The following VPS11 variants were observed in gnomAD, a reference collection of about 807,000 sequenced individuals.
The protein encoded by VPS11 is vacuolar protein sorting-associated protein 11 homolog.
Under a neutral mutation model 106.8 loss-of-function variants are expected in VPS11, and 51 were observed. The observed-to-expected ratio is 0.48, with a 90% confidence interval of 0.38 to 0.60. The LOEUF is 0.60. Among genes scored for constraint, VPS11 ranks in the 20% least tolerant of loss-of-function variants. The pLI is 0.00. For missense variants in VPS11, 950 were observed against 1,190.0 expected (o/e 0.80, Z 2.97); for synonymous variants, 453 against 458.7 (o/e 0.99, Z 0.16).
intron 1 of VPS11, among the ~76,000 whole-genome samples, chr11:119,068,393 G>A (rs1354626125): frequency 1.3e-5 from 2 of 149,046 alleles, no homozygotes; most frequent in African/African-American, 4.9e-5. Flanking sequence ...GAGCCTAGCG[G>A]TTTGTTGCTT....
intron 5 of VPS11, chr11:119,072,056 C>T (rs903272629): frequency 1.5e-5 from 8 of 524,864 alleles, no homozygotes; most frequent in Admixed American, 3.3e-5. Flanking sequence ...AGCCTCGCCT[C>T]CTGGGTTCCA....
chr11:119,068,108 C>G, intron 1 of VPS11, 98 bp downstream of exon 1: 1 of 1,373,874 alleles, frequency 7.3e-7, no homozygotes, highest in Non-Finnish European at 9.7e-7. Flanking sequence ...CCGCGCGCCT[C>G]TTTGGTTTAG....
intron 7 of VPS11, 156 bp from the exon 8 acceptor site, chr11:119,076,741 T>C: frequency 2.3e-6 from 2 of 852,190 alleles, no homozygotes; most frequent in Non-Finnish European, 3.6e-6. Flanking sequence ...GCACCGATAT[T>C]ACCTGGGACT....
In VPS11 at chr11:119,077,925, G is replaced by A; in HGVS notation, c.1620G>A (p.Gln540=). The change falls in exon 10 of 16, where the codon CAG becomes CAA. Residue 540 remains glutamine, a synonymous_variant. Transcript: ENST00000621676. ...ACATCGGCAAGCTGCCTTTTGAGCA[G>A]GCAGAGAGCAACATGAAGCGCTACG... The part of the protein sequence containing the change: ...LRYIGKLPFE[Q]AESNMKRYGK... 6.2e-7 allele frequency: 1 copy of A among 1,614,070 alleles called. No individual in the cohort carries two copies. Among genetic ancestry groups the A allele is most frequent in the Non-Finnish European group, 8.5e-7 (1 of 1,179,908 alleles).
At position 119,081,293 on chromosome 11, in the gene VPS11, C is replaced by T. The variant is rs1332400987; in HGVS notation, c.2640C>T (p.Leu880=). 1 of 1,613,796 alleles carries T rather than the reference C, an allele frequency of 6.2e-7. No homozygotes were observed. The highest frequency in any genetic ancestry group is 8.5e-7 in the Non-Finnish European group (1 of 1,179,886). ...GGGCCCAGGAACAGAAACGAGATCTCCATGATCAATTCCAGCATCAGGTGG... is the reference window on the plus strand; with the variant it reads ...GGGCCCAGGAACAGAAACGAGATCTTCATGATCAATTCCAGCATCAGGTGG... ...MIRAQEQKRD[L]HDQFQHQLKC... is the part of the protein sequence containing the mutation. Residue 880 remains leucine, a synonymous_variant, in exon 15 of 16, where the codon CTC becomes CTT. Transcript: ENST00000621676.
chr11:119,068,181 G>C (rs1432861046), intron 1 of VPS11, 171 bp downstream of exon 1: 3 of 717,582 alleles, frequency 4.2e-6, no homozygotes, highest in African/African-American at 3.6e-5. Flanking sequence ...CTCCTAACTT[G>C]TTATCAACTG....
In VPS11 at chr11:119,076,968, C is replaced by G. The variant is rs1429793974; in HGVS notation, c.1310C>G (p.Thr437Ser). The G allele has an allele frequency of 1.9e-6, 3 of 1,614,012 alleles. No homozygotes were observed. In the Admixed American group the frequency reaches 5.0e-5, roughly 27 times the overall value. Residue 437 changes from threonine (T) to serine (S), a missense_variant, in exon 8 of 16, where the codon ACT (threonine) becomes AGT (serine). This residue lies in a region of VPS11 where 435 missense variants were observed against 630.2 expected (regional missense o/e 0.69). Coordinates refer to ENST00000621676, the MANE Select transcript of VPS11 (RefSeq NM_021729.6). ...GATGCCCAGCGCATTCACAACCTGA[C>G]TGCCTACCTGCAGACCCTGCACCGA... ...FLDAQRIHNLTAYLQTLHRQS... is the reference protein window; with the variant it reads ...FLDAQRIHNLSAYLQTLHRQS...
chr11:119,081,399 C>T, intron 15 of VPS11, 60 bp from the exon 16 acceptor site: 8 of 1,611,556 alleles, frequency 5.0e-6, no homozygotes, highest in Non-Finnish European at 6.8e-6. Context: ...ATCACCTCCT[C>T]ATTTAAGAAA....
chr11:119,077,261 T>C (rs1278118652), intron 8 of VPS11, among the ~76,000 whole-genome samples, 178 bp downstream of exon 8: 1 of 152,160 alleles, frequency 6.6e-6, no homozygotes, highest in Non-Finnish European at 1.5e-5. Flanking sequence ...TTCTAGAAAT[T>C]CCCATGGTAT....
intron 13 of VPS11, 28 bp downstream of exon 13, chr11:119,079,025 A>G: frequency 6.2e-7 from 1 of 1,613,194 alleles, no homozygotes; most frequent in Non-Finnish European, 8.5e-7. Flanking sequence ...TGGGTGGGTG[A>G]CAAGCTGCTG....
Position 119,069,180 on chromosome 11 carries a change from C to T in VPS11, c.188-16C>T. On this transcript the variant is annotated splice_polypyrimidine_tract_variant and intron_variant, in intron 1 of 15. Coordinates refer to ENST00000621676, the MANE Select transcript of VPS11 (RefSeq NM_021729.6). ...GTATCTCTCCTTGGAAAGGAGGCTC[C>T]TTGACTACCCTGCACATATGGAAGG... is the stretch of plus-strand genomic sequence containing the variant. 6.2e-7 allele frequency: 1 copy of T among 1,613,278 alleles called. No individual in the cohort carries two copies. Among genetic ancestry groups the T allele is most frequent in the Non-Finnish European group, 8.5e-7 (1 of 1,179,624 alleles).
At chr11:119,079,516 T>A (rs1945770532) in intron 14 of VPS11, among the ~76,000 whole-genome samples, 1 of 152,244 alleles carries the variant, frequency 6.6e-6, no homozygotes, top group African/African-American at 2.4e-5. Flanking sequence ...GCAGGTACTT[T>A]TTGTTCTTTA....
chr11:119,073,459 G>T, intron 6 of VPS11, 60 bp downstream of exon 6: 8 of 1,574,510 alleles, frequency 5.1e-6, no homozygotes, highest in Non-Finnish European at 6.0e-6. Context: ...GCAGGAGCAG[G>T]TTCCCCAAGT....
chr11:119,070,032 T>TAAATAAATAAATA lies in VPS11; in HGVS notation c.473-195_473-194insTAAATAAAATAAA, dbSNP rs1243110961. On this transcript the variant is annotated intron_variant, in intron 3 of 15. Transcript: ENST00000621676. ...TAAATAAATAAATAAATAAATAAAATAAATAAAGTTTGGAATGGGAAGGCA... is the reference window on the plus strand; with the variant it reads ...TAAATAAATAAATAAATAAATAAAATAAATAAATAAATAAAATAAAGTTTGGAATGGGAAGGCA... 4.1e-4 allele frequency among the ~76,000 whole-genome samples: 60 copies of TAAATAAATAAATA among 147,820 alleles called. No individual in the cohort carries two copies. In the Middle Eastern group the frequency reaches 0.01, roughly 25 times the overall value.
intron 14 of VPS11, among the ~76,000 whole-genome samples, chr11:119,080,138 A>C (rs781984419): frequency 7.2e-5 from 11 of 152,124 alleles, no homozygotes; most frequent in Non-Finnish European, 1.6e-4. Context: ...AGCTCACAGC[A>C]ACCTTTACCT....
In VPS11 at chr11:119,078,264, C is replaced by T. The variant is rs781917185; in HGVS notation, c.1853C>T (p.Ser618Leu). ...CACATGAGTGAAGTGCAGCCAGACT[C>T]ACCCCAGGGGATCTACGACACACTC... is the stretch of plus-strand genomic sequence containing the variant. The part of the protein sequence containing the change: ...LEHMSEVQPD[S>L]PQGIYDTLLE... Residue 618 changes from serine (S) to leucine (L), a missense_variant, in exon 11 of 16, where the codon TCA (serine) becomes TTA (leucine). Physicochemically the swap from Ser to Leu is moderately radical, Grantham distance 145. Transcript: ENST00000621676. 6.2e-7 allele frequency: 1 copy of T among 1,613,686 alleles called. No homozygotes were observed. The highest frequency in any genetic ancestry group is 8.5e-7 in the Non-Finnish European group (1 of 1,179,890).
In VPS11 at chr11:119,071,582, G is replaced by T; in HGVS notation, c.637-14G>T. 1 of 1,613,348 alleles carries T rather than the reference G, an allele frequency of 6.2e-7. No homozygotes were observed. The highest frequency in any genetic ancestry group is 1.1e-5 in the South Asian group (1 of 91,062). The stretch of plus-strand genomic sequence containing the variant: ...CTCAAAGGAGCCTGTTAACCCCTTT[G>T]TTGCTTCTGGCAGTCCTATATAGTT... On this transcript the variant is annotated splice_polypyrimidine_tract_variant and intron_variant, in intron 4 of 15. Transcript: ENST00000621676.
chr11:119,081,225 C>T lies in VPS11; in HGVS notation c.2572C>T (p.Pro858Ser). 1.2e-6 allele frequency: 2 copies of T among 1,614,004 alleles called. No individual in the cohort carries two copies. The highest frequency in any genetic ancestry group is 1.7e-6 in the Non-Finnish European group (2 of 1,179,892). ...TTACTCGGAAAGTGATGCTGACTGC[C>T]CCACCTGCCTCCCTGAAAACCGGAA... ...ESYSESDADC[P>S]TCLPENRKVM... Residue 858 changes from proline (P) to serine (S), a missense_variant, in exon 15 of 16, where the codon CCC becomes TCC. Coordinates refer to ENST00000621676, the MANE Select transcript of VPS11 (RefSeq NM_021729.6).
chr11:119,079,006 G>T lies in VPS11; in HGVS notation c.2266+9G>T. ...CATGCCACCTCTTCTAGGTACTTGGGAAGACAGATGGGTGGGTGACAAGCT... is the reference window on the plus strand; with the variant it reads ...CATGCCACCTCTTCTAGGTACTTGGTAAGACAGATGGGTGGGTGACAAGCT... On this transcript the variant is annotated intron_variant, in intron 13 of 15. Coordinates refer to ENST00000621676, the MANE Select transcript of VPS11 (RefSeq NM_021729.6). 6.2e-7 allele frequency: 1 copy of T among 1,613,912 alleles called. No individual in the cohort carries two copies. The highest frequency in any genetic ancestry group is 2.2e-5 in the East Asian group (1 of 44,886).
Sources: gnomAD v4.1 joint callset for allele counts (sites outside exome capture counted in the v4.1 genomes callset) on GRCh38, gnomAD v4.1.1 for gene constraint, gnomAD v4.1.1 regional missense constraint, MANE v1.5 for transcripts, NCBI Gene and HGNC (gene_info 2026-07-23, HGNC 2026-07-21) for gene names.